The following SLC35F5 variants were observed in gnomAD, a reference collection of about 807,000 sequenced individuals.
SLC35F5 encodes solute carrier family 35 member F5.
A neutral mutation model predicts 68.6 loss-of-function variants in SLC35F5; 54 were observed. The observed-to-expected ratio is 0.79, with a 90% confidence interval of 0.63 to 0.99. SLC35F5 has a LOEUF of 0.99. SLC35F5 is among the 50% of genes least tolerant of loss of function. SLC35F5 has a pLI of 0.00. For missense variants in SLC35F5, 567 were observed against 626.9 expected, an observed-to-expected ratio of 0.90 and a Z score of 1.02; for synonymous variants, 211 against 205.2, an observed-to-expected ratio of 1.03 and a Z score of -0.24.
intron 7 of SLC35F5, among the ~76,000 whole-genome samples, chr2:113,741,614 T>C (rs1022678617): frequency 4.0e-5 from 6 of 151,666 alleles, no homozygotes; most frequent in East Asian, 1.9e-4. Flanking sequence ...GGCAGGAGAA[T>C]TGCTTGAACC....
At chr2:113,734,713 A>G in intron 8 of SLC35F5, 40 bp from the exon 9 acceptor site, 3 of 1,205,734 alleles carry the variant, frequency 2.5e-6, no homozygotes, top group Non-Finnish European at 3.6e-6. Context: ...ACATGAGTTT[A>G]AATACTGTCA....
intron 8 of SLC35F5, among the ~76,000 whole-genome samples, chr2:113,735,432 C>T (rs1238719422): frequency 6.6e-6 from 1 of 152,174 alleles, no homozygotes; most frequent in Non-Finnish European, 1.5e-5. Context: ...TGCTTGTAGG[C>T]TACCAACTTA....
intron 12 of SLC35F5, among the ~76,000 whole-genome samples, chr2:113,723,928 A>T (rs1250378555): frequency 6.6e-6 from 1 of 152,216 alleles, no homozygotes; most frequent in Non-Finnish European, 1.5e-5. Flanking sequence ...TTGGGCATAT[A>T]AGGAGAAAAT....
intron 3 of SLC35F5, 40 bp downstream of exon 3, chr2:113,755,125 G>T: frequency 6.3e-7 from 1 of 1,598,658 alleles, no homozygotes; most frequent in South Asian, 1.1e-5. Context: ...TTAACATTGT[G>T]GCTGTAATGT....
chr2:113,731,461 A>G (rs777001146), intron 10 of SLC35F5, 123 bp downstream of exon 10: 11 of 614,264 alleles, frequency 1.8e-5, no homozygotes, highest in Middle Eastern at 2.7e-4. Flanking sequence ...TTTCCAAAGG[A>G]AAAGTTCAAA....
chr2:113,755,292 C>T lies in SLC35F5; in HGVS notation c.146G>A (p.Cys49Tyr), dbSNP rs751063460. 3 of 1,614,152 alleles carry T rather than the reference C, an allele frequency of 1.9e-6. No individual in the cohort carries two copies. The highest frequency in any genetic ancestry group is 2.7e-5 in the African/African-American group (2 of 75,068). ...RALKTRLQMV[C>Y]VFVMNRMNSQ... Reference sequence around the variant, plus strand: ...ATTCATTCGGTTCATGACAAATACACACACCATTTGCAGTCTGTTTTTTAG... The same window carrying T: ...ATTCATTCGGTTCATGACAAATACATACACCATTTGCAGTCTGTTTTTTAG... Residue 49 changes from cysteine to tyrosine, a missense_variant, in exon 3 of 16, where the codon TGT (cysteine) becomes TAT (tyrosine). Transcript: ENST00000245680.
intron 15 of SLC35F5, 43 bp downstream of exon 15, chr2:113,717,710 G>T: frequency 1.6e-6 from 2 of 1,281,452 alleles, no homozygotes; most frequent in Non-Finnish European, 2.2e-6. Flanking sequence ...ATATTACACA[G>T]ATAAGAACCT....
At chr2:113,739,836 CCTA>C (rs1688223863) in intron 7 of SLC35F5, among the ~76,000 whole-genome samples, 2 of 152,200 alleles carry the variant, frequency 1.3e-5, no homozygotes, top group Admixed American at 6.5e-5. Flanking sequence ...GACTGGAAAC[CCTA>C]CTAATAACAT....
intron 6 of SLC35F5, 109 bp from the exon 7 acceptor site, chr2:113,742,988 A>C: frequency 9.3e-7 from 1 of 1,080,050 alleles, no homozygotes; most frequent in Non-Finnish European, 1.3e-6. Flanking sequence ...TCAGAGTAAG[A>C]CAGTCAAAGT....
rs1174926507 is a variant in SLC35F5, at chr2:113,725,498, C to T, written c.1130G>A (p.Gly377Asp). Reference sequence around the variant, plus strand: ...TCCAGTATAATGAAGTAAAAAGAAACCTGGCCATAAGAGCAGCAGATTAAA... The same window carrying T: ...TCCAGTATAATGAAGTAAAAAGAAATCTGGCCATAAGAGCAGCAGATTAAA... ...GLFNLLLLWP[G>D]FFLLHYTGFE... Residue 377 changes from glycine (G) to aspartate (D), a missense_variant, in exon 12 of 16, where the codon GGT becomes GAT. Transcript: ENST00000245680. 2 of 1,601,784 alleles carry T rather than the reference C, an allele frequency of 1.2e-6. No individual in the cohort carries two copies. The highest frequency in any genetic ancestry group is 1.7e-6 in the Non-Finnish European group (2 of 1,177,150).
intron 11 of SLC35F5, 76 bp downstream of exon 11, chr2:113,729,325 C>T: frequency 2.8e-6 from 2 of 719,128 alleles, no homozygotes; most frequent in Non-Finnish European, 4.7e-6. Flanking sequence ...CTTCCCTATT[C>T]CCTCTGAAAA....
intron 13 of SLC35F5, among the ~76,000 whole-genome samples, chr2:113,720,787 AT>A (rs1187508375): frequency 2.0e-5 from 3 of 152,202 alleles, no homozygotes; most frequent in African/African-American, 7.2e-5. Flanking sequence ...TAAAAACCTT[AT>A]TTCATAACTG....
At chr2:113,754,065 G>A (rs1286099397) in intron 3 of SLC35F5, among the ~76,000 whole-genome samples, 1 of 152,060 alleles carries the variant, frequency 6.6e-6, no homozygotes, top group African/African-American at 2.4e-5. Context: ...GCCGAGGCGG[G>A]CGGATCATGA....
chr2:113,728,120 C>A (rs1413785450), intron 11 of SLC35F5, among the ~76,000 whole-genome samples: 1 of 151,934 alleles, frequency 6.6e-6, no homozygotes, highest in Admixed American at 6.6e-5. Context: ...GCCTCTCATG[C>A]AGCTGGGATT....
At chr2:113,736,964 C>T (rs1688119939) in intron 7 of SLC35F5, among the ~76,000 whole-genome samples, 1 of 152,110 alleles carries the variant, frequency 6.6e-6, no homozygotes, top group Non-Finnish European at 1.5e-5. Flanking sequence ...TGAAACAATG[C>T]TACTATGAAT....
In SLC35F5 at chr2:113,731,509, C is replaced by A. The variant is rs146446263; in HGVS notation, c.985+75G>T. 3.4e-4 allele frequency: 383 copies of A among 1,139,912 alleles called. 1 individual carries two copies. The African/African-American group carries it at 5.2e-3, about 15-fold the overall frequency. 70.6% of individuals were successfully genotyped at this position (1,139,912 alleles called of 1,614,324 possible). On this transcript the variant is annotated intron_variant, in intron 10 of 15. Transcript: ENST00000245680. ...TGCTAGTGCCTACCCTTTGTGCGTTCATCTGTGCACATGAGCACGCACATG... is the reference window on the plus strand; with the variant it reads ...TGCTAGTGCCTACCCTTTGTGCGTTAATCTGTGCACATGAGCACGCACATG...
intron 3 of SLC35F5, among the ~76,000 whole-genome samples, chr2:113,753,893 G>A (rs111316429): frequency 3.3e-5 from 5 of 151,992 alleles, no homozygotes; most frequent in African/African-American, 9.7e-5. Context: ...ATTTCTTTGA[G>A]GTAGAAGTAC....
At chr2:113,736,291 A>G (rs1316953475) in intron 7 of SLC35F5, among the ~76,000 whole-genome samples, 2 of 151,578 alleles carry the variant, frequency 1.3e-5, no homozygotes, top group South Asian at 2.1e-4. Context: ...AAAAAAATAC[A>G]AAAATTAGCC....
rs1413616838 is a variant in SLC35F5 at position 113,708,446 on chromosome 2, C to G, written c.*6772G>C. Among the ~76,000 whole-genome samples the G allele has an allele frequency of 6.6e-6, 1 of 151,986 alleles. No homozygotes were observed. Among genetic ancestry groups the G allele is most frequent in the Admixed American group, 6.6e-5 (1 of 15,264 alleles). ...ATAGCTGGGCGCAGTGGCTCACACCCGTAATCCCAGCACTTTGGGAGGCCG... is the reference window on the plus strand; with the variant it reads ...ATAGCTGGGCGCAGTGGCTCACACCGGTAATCCCAGCACTTTGGGAGGCCG... On this transcript the variant is annotated 3_prime_UTR_variant, in exon 16 of 16. Transcript: ENST00000245680.
Sources: gnomAD v4.1 joint callset for allele counts (sites outside exome capture counted in the v4.1 genomes callset) on GRCh38, gnomAD v4.1.1 for gene constraint, MANE v1.5 for transcripts, NCBI Gene and HGNC (gene_info 2026-07-23, HGNC 2026-07-21) for gene names.